Variants in MSN observed in about 807,000 individuals in gnomAD.
MSN encodes epididymis luminal protein 70.
MSN carries 2 observed loss-of-function variants against 48.0 expected under a neutral mutation model. The observed-to-expected ratio is 0.04, with a 90% confidence interval of 0.02 to 0.13. MSN has a LOEUF of 0.13. Among genes scored for constraint, MSN ranks in the 10% least tolerant of loss-of-function variants. The probability of loss-of-function intolerance (pLI) is 1.00; values close to 1 mark genes in which losing one functional copy is unlikely to be tolerated. For missense variants in MSN, 267 were observed against 470.1 expected (o/e 0.57, Z 3.99); for synonymous variants, 146 against 166.9 (o/e 0.87, Z 0.97).
chrX:65,683,383 T>TGCC (rs199588485), intron 1 of MSN, among the ~76,000 whole-genome samples: 3,221 of 93,783 alleles, frequency 0.034, 374 homozygotes, highest in African/African-American at 0.15. Context: ...TTGCTACTGT[T>TGCC]GCCGCCGCCG....
chrX:65,599,304 A>T (rs752985108), intron 1 of MSN, among the ~76,000 whole-genome samples: 18 of 110,493 alleles, frequency 1.6e-4, no homozygotes, highest in Non-Finnish European at 2.3e-4. Flanking sequence ...TCAAAAAAAA[A>T]AATAATAATT....
intron 1 of MSN, among the ~76,000 whole-genome samples, chrX:65,600,913 G>A (rs2070230161): frequency 1.8e-5 from 2 of 111,564 alleles, no homozygotes; most frequent in Admixed American, 9.5e-5. Context: ...GAAATGGCGA[G>A]TGTTCTCATC....
At chrX:65,675,144 ATGAGTGGT>A (rs2070984943) in intron 1 of MSN, among the ~76,000 whole-genome samples, 2 of 112,195 alleles carry the variant, frequency 1.8e-5, no homozygotes, top group Non-Finnish European at 3.8e-5. Context: ...TTACCATTTA[ATGAGTGGT>A]TACTATGTAC....
chrX:65,663,084 C>G (rs1001809203), upstream of MSN, among the ~76,000 whole-genome samples: 2 of 110,860 alleles, frequency 1.8e-5, no homozygotes, highest in African/African-American at 3.3e-5. Context: ...ATGCTGAAAC[C>G]CTGTCTCTAC....
chrX:65,733,711 A>G (rs2071646646), intron 7 of MSN, among the ~76,000 whole-genome samples: 1 of 110,094 alleles, frequency 9.1e-6, no homozygotes. Flanking sequence ...TTTTTGATGG[A>G]GTCTCGCTCT....
intron 1 of MSN, among the ~76,000 whole-genome samples, chrX:65,671,868 A>T (rs947592508): frequency 1.8e-5 from 2 of 111,976 alleles, no homozygotes; most frequent in Admixed American, 1.9e-4. Flanking sequence ...AGTAGTATTG[A>T]TCACTAATCT....
At chrX:65,695,988 A>G (rs2071234294) in intron 1 of MSN, among the ~76,000 whole-genome samples, 1 of 104,093 alleles carries the variant, frequency 9.6e-6, no homozygotes, top group South Asian at 3.8e-4. Context: ...TTTTCTTGTG[A>G]CAGTCTCCTT....
At chrX:65,669,405 A>G (rs1262932114) in intron 1 of MSN, among the ~76,000 whole-genome samples, 2 of 111,626 alleles carry the variant, frequency 1.8e-5, no homozygotes, top group African/African-American at 6.5e-5. Context: ...TTTCTTCTGT[A>G]GTGGCATATC....
chrX:65,590,644 G>A (rs1466429858), intron 1 of MSN, among the ~76,000 whole-genome samples: 1 of 111,733 alleles, frequency 8.9e-6, no homozygotes, highest in Non-Finnish European at 1.9e-5. Context: ...AGGTGGGGAT[G>A]CTGGCAGATG....
intron 1 of MSN, among the ~76,000 whole-genome samples, chrX:65,628,648 C>A (rs935337907): frequency 8.9e-6 from 1 of 111,973 alleles, no homozygotes; most frequent in African/African-American, 3.2e-5. Context: ...ACATTAGGCT[C>A]CTTGCTACTT....
At chrX:65,624,408 A>G (rs1450360904) in intron 1 of MSN, among the ~76,000 whole-genome samples, 1 of 110,086 alleles carries the variant, frequency 9.1e-6, no homozygotes, top group Non-Finnish European at 1.9e-5. Context: ...TCTTTCTTCT[A>G]TTGTCATTCT....
intron 1 of MSN, among the ~76,000 whole-genome samples, chrX:65,611,963 G>T (rs1262342899): frequency 8.9e-6 from 1 of 111,964 alleles, no homozygotes. Context: ...GACTAAAAAT[G>T]TTGAGCATAT....
At chrX:65,623,100 A>G (rs769305257) in intron 1 of MSN, among the ~76,000 whole-genome samples, 3 of 108,651 alleles carry the variant, frequency 2.8e-5, no homozygotes, top group South Asian at 7.4e-4. Context: ...TCATGTGATA[A>G]ATCCTACATG....
intron 1 of MSN, among the ~76,000 whole-genome samples, chrX:65,614,933 C>G (rs1169503231): frequency 1.3e-4 from 11 of 87,698 alleles, no homozygotes; most frequent in Admixed American, 1.3e-4. Context: ...CAATTCCCAC[C>G]TATGAGTGAG....
At chrX:65,732,644 A>T (rs775633594) in intron 6 of MSN, among the ~76,000 whole-genome samples, 1 of 112,100 alleles carries the variant, frequency 8.9e-6, no homozygotes, top group African/African-American at 3.2e-5. Flanking sequence ...TTATTGTTCC[A>T]TATAACTCCT....
chrX:65,663,188 G>A (rs1052005961), upstream of MSN, among the ~76,000 whole-genome samples: 9 of 109,542 alleles, frequency 8.2e-5, no homozygotes, highest in African/African-American at 2.3e-4. Flanking sequence ...AACCCAGGAG[G>A]TGGAGGTTGC....
At chrX:65,648,053 T>C (rs1408528467) in intron 1 of MSN, among the ~76,000 whole-genome samples, 2 of 104,369 alleles carry the variant, frequency 1.9e-5, no homozygotes, top group African/African-American at 3.6e-5. Context: ...GCAGTGGACA[T>C]AGAGAGAAGC....
intron 1 of MSN, among the ~76,000 whole-genome samples, chrX:65,704,636 G>A (rs906853023): frequency 2.8e-5 from 3 of 108,132 alleles, no homozygotes; most frequent in Non-Finnish European, 5.7e-5. Flanking sequence ...AGTTTTTCAC[G>A]GAAACAAATT....
At chrX:65,636,863 C>CTT (rs1264711142) in intron 1 of MSN, among the ~76,000 whole-genome samples, 1 of 98,987 alleles carries the variant, frequency 1.0e-5, no homozygotes, top group Admixed American at 1.1e-4. Flanking sequence ...AGGCGGATCA[C>CTT]GAGGTCAGGA....
Sources: allele counts gnomAD v4.1 joint callset (sites outside exome capture counted in the v4.1 genomes callset), GRCh38; gene constraint gnomAD v4.1.1; transcripts MANE v1.5; gene names NCBI Gene and HGNC (gene_info 2026-07-23, HGNC 2026-07-21).